Variants in GHRL observed in about 807,000 individuals in gnomAD.
GHRL encodes ghrelin and obestatin prepropeptide.
GHRL carries 24 observed loss-of-function variants against 16.9 expected under a neutral mutation model. The observed-to-expected ratio is 1.42, with a 90% CI of 1.03 to 2.00. GHRL has a LOEUF of 2.00. Ranked by LOEUF, GHRL falls within the 30% of genes most tolerant of loss-of-function variation. GHRL has a pLI of 0.00. For missense variants in GHRL, 193 were observed against 142.1 expected (o/e 1.36, Z -1.82); for synonymous variants, 63 against 58.2 (o/e 1.08, Z -0.37).
At position 10,285,666 on chromosome 3, in the gene GHRL, T is replaced by C; in HGVS notation, c.*209A>G. On this transcript the variant is annotated 3_prime_UTR_variant, in exon 6 of 6. Coordinates refer to ENST00000335542, the MANE Select transcript of GHRL (RefSeq NM_016362.5). ...CCCACAGACCATAAACCAAGAATTA[T>C]TTTTATTTGTATTATTTTGATTTTT... 1 of 515,472 alleles carries C rather than the reference T, an allele frequency of 1.9e-6. No homozygotes were observed. The highest frequency in any genetic ancestry group is 3.5e-6 in the Non-Finnish European group (1 of 283,364). The allele number at this position is 515,472 out of a possible 1,614,324, so 31.9% of individuals were successfully genotyped here.
At chr3:10,290,548 AG>A (rs1421821828) in intron 2 of GHRL, among the ~76,000 whole-genome samples, 167 bp downstream of exon 2, 5 of 152,212 alleles carry the variant, frequency 3.3e-5, no homozygotes, top group South Asian at 2.1e-4. Flanking sequence ...CTCAGCAGGG[AG>A]GGGGTTAGAG....
chr3:10,292,721 GTCC>G, intron 1 of GHRL, 118 bp downstream of exon 1: 1 of 671,572 alleles, frequency 1.5e-6, no homozygotes, highest in Non-Finnish European at 2.6e-6. Context: ...GAGGTCTGTA[GTCC>G]TCAGAGAAGA....
intron 4 of GHRL, 119 bp from the exon 5 acceptor site, chr3:10,286,931 G>C (rs900249830): frequency 4.7e-6 from 3 of 637,492 alleles, no homozygotes. Flanking sequence ...TGGCCTTTGG[G>C]CCCCAGCAGG....
rs377110254 is a variant in GHRL at position 10,286,758 on chromosome 3, G to C, written c.280C>G (p.His94Asp). Residue 94 changes from histidine to aspartate, a missense_variant, in exon 5 of 6, where the codon CAC becomes GAC. By Grantham distance (81) the His-to-Asp change is moderately conservative. Transcript: ENST00000335542. ...IKLSGVQYQQ[H>D]SQALGKFLQD... The stretch of plus-strand genomic sequence containing the variant: ...AGAAACTTCCCCAGGGCCTGGCTGT[G>C]CTGCTGGTACTGAACCCCTGACAGC... 5.0e-6 allele frequency: 8 copies of C among 1,613,336 alleles called. No individual in the cohort carries two copies. In the South Asian group the frequency reaches 7.7e-5, roughly 16 times the overall value.
chr3:10,290,039 G>C, intron 3 of GHRL, 34 bp downstream of exon 3: 1 of 1,608,594 alleles, frequency 6.2e-7, no homozygotes, highest in South Asian at 1.1e-5. Flanking sequence ...GGCAGGGCTG[G>C]AACAACATGT....
chr3:10,288,445 G>A (rs1264410410), intron 4 of GHRL, among the ~76,000 whole-genome samples: 1 of 152,142 alleles, frequency 6.6e-6, no homozygotes, highest in Non-Finnish European at 1.5e-5. Flanking sequence ...CAAAGTTCCC[G>A]CTGTACCAGC....
At chr3:10,292,123 G>A (rs1344306938) in intron 1 of GHRL, 1 of 152,204 alleles carries the variant, frequency 6.6e-6, no homozygotes, top group Non-Finnish European at 1.5e-5. Flanking sequence ...GAATGAAAGA[G>A]TTGGAAAGAC....
In GHRL at chr3:10,290,839, T is replaced by C; in HGVS notation, c.-153A>G. ...CTAGCTTCCGTGGGGCTGATGTACA[T>C]TCCTTGGGAACTAAAAATGTTCTTG... On this transcript the variant is annotated 5_prime_UTR_variant, in exon 2 of 6. The change abolishes an upstream ATG in the 5' untranslated region. Transcript: ENST00000335542. The C allele has an allele frequency of 2.0e-6, 2 of 986,182 alleles. No homozygotes were observed. The highest frequency in any genetic ancestry group is 2.4e-6 in the Non-Finnish European group (2 of 830,416). The allele number at this position is 986,182 out of a possible 1,614,324, so 61.1% of individuals were successfully genotyped here. A position where few individuals can be genotyped will look rare whatever the true frequency, so the allele number is the denominator to read the frequency against.
intron 2 of GHRL, among the ~76,000 whole-genome samples, 163 bp downstream of exon 2, chr3:10,290,553 G>GT (rs570072298): frequency 7.8e-4 from 119 of 152,290 alleles, no homozygotes; most frequent in African/African-American, 2.1e-3. Flanking sequence ...CAGGGAGGGG[G>GT]TTAGAGGTAG....
Position 10,285,873 on chromosome 3 carries a change from G to A in GHRL, c.*2C>T, listed in dbSNP as rs1698979915. 2 of 1,612,890 alleles carry A rather than the reference G, an allele frequency of 1.2e-6. No individual in the cohort carries two copies. Among genetic ancestry groups the A allele is most frequent in the Non-Finnish European group, 1.7e-6 (2 of 1,178,924 alleles). On this transcript the variant is annotated 3_prime_UTR_variant, in exon 6 of 6. Transcript: ENST00000335542. ...AGAGAGGTGAGTAAGGCTTGTGGGC[G>A]ATCACTTGTCGGCTGGGGCCTCTGG...
Position 10,291,017 on chromosome 3 carries a change from G to A in GHRL, c.-331C>T. ...TGGTGGAGGAGGGAGGGAGGAGAGT[G>A]GCTCTGGGGTCTGGGTGCAGCTTTG... On this transcript the variant is annotated 5_prime_UTR_variant, in exon 2 of 6. Transcript: ENST00000335542. The A allele has an allele frequency of 2.0e-6, 2 of 985,612 alleles. No individual in the cohort carries two copies. 61.1% of individuals were successfully genotyped at this position (985,612 alleles called of 1,614,324 possible). A position where few individuals can be genotyped will look rare whatever the true frequency, so the allele number is the denominator to read the frequency against.
intron 4 of GHRL, among the ~76,000 whole-genome samples, chr3:10,289,287 C>T (rs1053428157): frequency 8.5e-5 from 13 of 152,176 alleles, no homozygotes; most frequent in East Asian, 1.9e-4. Flanking sequence ...TGCCTCCAGG[C>T]GAGGTGAGTG....
chr3:10,286,855 A>G (rs771947415), intron 4 of GHRL, 43 bp from the exon 5 acceptor site: 55 of 1,163,190 alleles, frequency 4.7e-5, no homozygotes, highest in Non-Finnish European at 6.7e-5. Context: ...GTCAGAGGTC[A>G]TGCCCATCCC....
At chr3:10,288,776 G>GGAA (rs1272103279) in intron 4 of GHRL, among the ~76,000 whole-genome samples, 2 of 152,236 alleles carry the variant, frequency 1.3e-5, no homozygotes, top group African/African-American at 4.8e-5. Context: ...TCCTCTGGAA[G>GGAA]GAAGAGGCCT....
intron 4 of GHRL, among the ~76,000 whole-genome samples, chr3:10,289,412 CA>C (rs1699594143): frequency 6.6e-6 from 1 of 152,208 alleles, no homozygotes; most frequent in Non-Finnish European, 1.5e-5. Context: ...TTCTGCAGAG[CA>C]ACATCTTCAG....
chr3:10,287,914 A>ATTTTTT lies in GHRL; in HGVS notation c.226-1108_226-1103dup, dbSNP rs1014353877. 3 of 76,804 alleles carry ATTTTTT rather than the reference A, an allele frequency of 3.9e-5. 1 individual carries two copies. Among genetic ancestry groups the ATTTTTT allele is most frequent in the African/African-American group, 1.3e-4 (3 of 23,354 alleles). The allele number at this position is 76,804 out of a possible 1,614,324, so 4.8% of individuals were successfully genotyped here. ...ACCCAGTGGGGAATGACATGATTGA[A>ATTTTTT]TTTTTTTTTTTTTTTTTTTTTTTTT... On this transcript the variant is annotated intron_variant, in intron 4 of 5. Coordinates refer to ENST00000335542, the MANE Select transcript of GHRL (RefSeq NM_016362.5).
In GHRL at chr3:10,291,158, T is replaced by C. The variant is rs1026988876; in HGVS notation, c.-472A>G. On this transcript the variant is annotated 5_prime_UTR_variant, in exon 2 of 6. Coordinates refer to ENST00000335542, the MANE Select transcript of GHRL (RefSeq NM_016362.5). ...CGCCCCGTTGTTTCCCATGTGCTGT[T>C]GCTGCTCTGGCCTCTGTGAGCCCCG... The C allele has an allele frequency of 1.9e-5, 19 of 985,648 alleles. No individual in the cohort carries two copies. Among genetic ancestry groups the C allele is most frequent in the Non-Finnish European group, 2.3e-5 (19 of 830,184 alleles). The allele number at this position is 985,648 out of a possible 1,614,324, so 61.1% of individuals were successfully genotyped here. A position where few individuals can be genotyped will look rare whatever the true frequency, so the allele number is the denominator to read the frequency against.
At chr3:10,287,011 A>G (rs1699185284) in intron 4 of GHRL, 199 bp from the exon 5 acceptor site, 2 of 519,642 alleles carry the variant, frequency 3.8e-6, no homozygotes, top group Non-Finnish European at 7.0e-6. Flanking sequence ...CCCACTCACC[A>G]TCTTTCAGAC....
chr3:10,289,899 G>T (rs780784504), intron 3 of GHRL, 21 bp from the exon 4 acceptor site: 3 of 1,574,146 alleles, frequency 1.9e-6, no homozygotes, highest in Non-Finnish European at 2.6e-6. Flanking sequence ...GAAACAGTCT[G>T]TTTAGGACTC....
Sources: gnomAD v4.1 joint callset for allele counts (sites outside exome capture counted in the v4.1 genomes callset) on GRCh38, gnomAD v4.1.1 for gene constraint, MANE v1.5 for transcripts, NCBI Gene and HGNC (gene_info 2026-07-23, HGNC 2026-07-21) for gene names.